A2ML1: variants seen among roughly 807,000 people sequenced by gnomAD.
A2ML1 encodes the protein alpha-2-macroglobulin-like protein 1.
Under a neutral mutation model 181.9 loss-of-function variants are expected in A2ML1, and 161 were observed. The observed-to-expected ratio is 0.89, with a 90% CI of 0.78 to 1.01. A2ML1 has a LOEUF of 1.01. Ranked by LOEUF, A2ML1 falls within the 50% of genes least tolerant of loss-of-function variation. A2ML1 has a pLI of 0.00. For synonymous variants in A2ML1, 663 were observed against 666.8 expected (o/e 0.99, Z 0.09); for missense variants, 1,670 against 1,768.1 (o/e 0.94, Z 1.00).
chr12:8,880,113 C>T (rs1200134756), downstream of A2ML1, among the ~76,000 whole-genome samples: 1 of 152,158 alleles, frequency 6.6e-6, no homozygotes, highest in Non-Finnish European at 1.5e-5. Context: ...CCTGTAATCC[C>T]AGCACCTTGG....
At chr12:8,831,870 C>T (rs537635599) in intron 4 of A2ML1, among the ~76,000 whole-genome samples, 1 of 152,150 alleles carries the variant, frequency 6.6e-6, no homozygotes, top group Non-Finnish European at 1.5e-5. Flanking sequence ...CTGCCTCAGC[C>T]TCCCAAGTAG....
rs748078710 is a variant in A2ML1, at chr12:8,857,332, T to C, written c.3017T>C (p.Leu1006Pro). Reference sequence around the variant, plus strand: ...ATCAGGTCTCGGGCAGTGGGTTTCCTGGAAATAGGTAAGTTGGTTCAGTCT... The same window carrying C: ...ATCAGGTCTCGGGCAGTGGGTTTCCCGGAAATAGGTAAGTTGGTTCAGTCT... ...EEIRSRAVGF[L>P]EIGYQKELMY... The change falls in exon 24 of 36, where the codon CTG becomes CCG. Residue 1006 changes from leucine to proline, a missense_variant. Leu to Pro is a moderately conservative substitution (Grantham distance 98). Transcript: ENST00000299698. 21 of 1,613,858 alleles carry C rather than the reference T, an allele frequency of 1.3e-5. No individual in the cohort carries two copies. The East Asian group carries it at 2.7e-4, about 21-fold the overall frequency.
intron 16 of A2ML1, 145 bp downstream of exon 16, chr12:8,849,059 G>T (rs977883253): frequency 5.0e-6 from 4 of 805,204 alleles, no homozygotes; most frequent in African/African-American, 1.7e-5. Context: ...GTGTAAGGTC[G>T]CCTCTGTTGG....
At position 8,883,541 on chromosome 12, in the gene A2ML1, G is replaced by A. The variant is rs566658683; in HGVS notation, c.*94+2925G>A. ...TGCCCAGGCTGGAGTGCAATGGCAC[G>A]ATCTTGGCTCACTGCAACCTCCACC... On this transcript the variant is annotated intron_variant and NMD_transcript_variant, in intron 7 of 7. Transcript: ENST00000537475. Among the ~76,000 whole-genome samples the A allele has an allele frequency of 7.9e-5, 12 of 151,970 alleles. 1 individual carries two copies. The highest frequency in any genetic ancestry group is 2.2e-4 in the African/African-American group (9 of 41,442).
Position 8,858,245 on chromosome 12 carries a change from T to C in A2ML1, c.3264+143T>C, listed in dbSNP as rs757928690. The C allele has an allele frequency of 3.2e-5, 32 of 1,004,970 alleles. 1 individual carries two copies. The highest frequency in any genetic ancestry group is 8.8e-5 in the Admixed American group (3 of 34,270). 62.3% of individuals were successfully genotyped at this position (1,004,970 alleles called of 1,614,324 possible). The stretch of plus-strand genomic sequence containing the variant: ...TGGCTCTGGGTGACCGTGATCAAAA[T>C]GCTTAGCTGGTCTGGGCCTCAGTTT... On this transcript the variant is annotated intron_variant, in intron 26 of 35. Transcript: ENST00000299698.
Position 8,846,232 on chromosome 12 carries a change from T to C in A2ML1, c.1683+10T>C. 1 of 1,613,950 alleles carries C rather than the reference T, an allele frequency of 6.2e-7. No individual in the cohort carries two copies. Among genetic ancestry groups the C allele is most frequent in the South Asian group, 1.1e-5 (1 of 91,062 alleles). On this transcript the variant is annotated intron_variant, in intron 14 of 35. Coordinates refer to ENST00000299698, the MANE Select transcript of A2ML1 (RefSeq NM_144670.6). ...GTGCTTTGACAATCAGGTAAAATGATAGCGGAGAAGGGTGAAGATAAAAGT... is the reference window on the plus strand; with the variant it reads ...GTGCTTTGACAATCAGGTAAAATGACAGCGGAGAAGGGTGAAGATAAAAGT...
rs764429289 is a variant in A2ML1, at chr12:8,860,910, T to G, written c.3294T>G (p.Thr1098=). The change falls in exon 27 of 36, where the codon ACT becomes ACG. Residue 1098 remains threonine, a synonymous_variant. Transcript: ENST00000299698. ...GTGTTGATGATGAGGTCTCCTTGAC[T>G]GCGTATGTCACAGCTGCATTGCTGG... ...KGGVDDEVSL[T]AYVTAALLEM... 16 of 1,613,994 alleles carry G rather than the reference T, an allele frequency of 9.9e-6. No individual in the cohort carries two copies. In the South Asian group the frequency reaches 1.3e-4, roughly 13 times the overall value.
intron 33 of A2ML1, among the ~76,000 whole-genome samples, chr12:8,874,111 G>A (rs948054558): frequency 2.6e-5 from 4 of 152,086 alleles, no homozygotes; most frequent in South Asian, 2.1e-4. Context: ...TGCCTCCCAG[G>A]TTCAAGCGAT....
chr12:8,860,336 C>T (rs1479151350), intron 26 of A2ML1, among the ~76,000 whole-genome samples: 5 of 152,252 alleles, frequency 3.3e-5, no homozygotes, highest in Admixed American at 6.5e-5. Context: ...AACCACTGTG[C>T]GTGACCACAA....
chr12:8,860,009 C>A (rs879780606), intron 26 of A2ML1, among the ~76,000 whole-genome samples: 2 of 152,090 alleles, frequency 1.3e-5, no homozygotes, highest in African/African-American at 2.4e-5. Flanking sequence ...AGCCATGTAA[C>A]CGTGAGCAAG....
intron 23 of A2ML1, among the ~76,000 whole-genome samples, chr12:8,856,441 A>G (rs1944064756): frequency 6.6e-6 from 1 of 152,212 alleles, no homozygotes. Context: ...ACATTTATAG[A>G]TTGAATTGAG....
Position 8,841,550 on chromosome 12 carries a change from G to A in A2ML1, c.1248+14G>A. ...GTTTCTCTGGAGGTAAGCATGGACG[G>A]AGGACCAGCTTCCTAGAAAGGAAGG... On this transcript the variant is annotated intron_variant, in intron 11 of 35. Coordinates refer to ENST00000299698, the MANE Select transcript of A2ML1 (RefSeq NM_144670.6). 6.3e-7 allele frequency: 1 copy of A among 1,596,982 alleles called. No individual in the cohort carries two copies. The highest frequency in any genetic ancestry group is 1.7e-4 in the Middle Eastern group (1 of 5,982).
At chr12:8,878,633 C>G (rs1944838190), downstream of A2ML1, among the ~76,000 whole-genome samples, 1 of 152,114 alleles carries the variant, frequency 6.6e-6, no homozygotes, top group Non-Finnish European at 1.5e-5. This position sits in a 1 kb window ranked among gnomAD's most constrained non-coding sequence, Gnocchi z 4.4. Flanking sequence ...GCATATTTAC[C>G]CCCTGAATCT....
In A2ML1 at chr12:8,843,398, G is replaced by A. The variant is rs768016542; in HGVS notation, c.1476+37G>A. On this transcript the variant is annotated intron_variant, in intron 12 of 35. Transcript: ENST00000299698. ...AAACGGGGACGGGTGAGAGTATGCT[G>A]GGAAGGAAAGAGAATGAGAAGAGTC... 41 of 1,591,862 alleles carry A rather than the reference G, an allele frequency of 2.6e-5. 1 individual carries two copies. The South Asian group carries it at 3.7e-4, about 14-fold the overall frequency.
chr12:8,884,808 A>G (rs191935098), intron 7 of A2ML1, among the ~76,000 whole-genome samples: 1 of 152,356 alleles, frequency 6.6e-6, no homozygotes, highest in Non-Finnish European at 1.5e-5. Flanking sequence ...TTTGCTGAGT[A>G]TAATGGCCTC....
chr12:8,857,301 G>C lies in A2ML1; in HGVS notation c.2986G>C (p.Glu996Gln). The change falls in exon 24 of 36, where the codon GAG becomes CAG. Residue 996 changes from glutamate (E) to glutamine (Q), a missense_variant. By Grantham distance (29) the Glu-to-Gln change is conservative. Transcript: ENST00000299698. ...CCTGGAGAAGGCAGGGCTGCTGACG[G>C]AGGAGATCAGGTCTCGGGCAGTGGG... ...QYLEKAGLLT[E>Q]EIRSRAVGFL... 1 of 1,614,000 alleles carries C rather than the reference G, an allele frequency of 6.2e-7. No homozygotes were observed.
In A2ML1 at chr12:8,870,998, C is replaced by T. The variant is rs1434966243; in HGVS notation, c.4221+1795C>T. ...CTTGATCAATTTCACCAGAGGATGA[C>T]CTTATTCACATATATAGTCTTCCTT... On this transcript the variant is annotated intron_variant, in intron 33 of 35. Transcript: ENST00000299698. 2.0e-4 allele frequency among the ~76,000 whole-genome samples: 30 copies of T among 152,182 alleles called. 1 individual carries two copies. The highest frequency in any genetic ancestry group is 1.9e-3 in the Admixed American group (29 of 15,264).
At chr12:8,847,009 A>G (rs1477836222) in intron 14 of A2ML1, among the ~76,000 whole-genome samples, 1 of 149,302 alleles carries the variant, frequency 6.7e-6, no homozygotes, top group Non-Finnish European at 1.5e-5. Flanking sequence ...ATCTCGGCTC[A>G]CTGCAACCTC....
At chr12:8,835,344 A>G (rs1350292793) in intron 5 of A2ML1, among the ~76,000 whole-genome samples, 163 bp from the exon 6 acceptor site, 1 of 152,254 alleles carries the variant, frequency 6.6e-6, no homozygotes, top group East Asian at 1.9e-4. Flanking sequence ...CCATAAAGAA[A>G]GTTATAAATA....
Sources: gnomAD v4.1 joint callset for allele counts (sites outside exome capture counted in the v4.1 genomes callset) on GRCh38, gnomAD v4.1.1 for gene constraint, Gnocchi (gnomAD v3.1) non-coding constraint, MANE v1.5 for transcripts, NCBI Gene and HGNC (gene_info 2026-07-23, HGNC 2026-07-21) for gene names.